TTLL9: variants seen among roughly 807,000 people sequenced by gnomAD.
TTLL9 encodes probable tubulin polyglutamylase TTLL9.
In TTLL9, 47 loss-of-function variants were observed where a neutral mutation model predicts 65.6. That is an observed-to-expected ratio of 0.72 (90% CI 0.57 to 0.91). The LOEUF (loss-of-function observed/expected upper bound fraction) is 0.91. TTLL9 is among the 40% of genes least tolerant of loss of function. The pLI is 0.00. For missense variants in TTLL9, 537 were observed against 568.8 expected, an observed-to-expected ratio of 0.94 and a Z score of 0.57; for synonymous variants, 179 against 204.8, an observed-to-expected ratio of 0.87 and a Z score of 1.07.
Position 31,909,910 on chromosome 20 carries a change from G to C in TTLL9, c.492G>C (p.Trp164Cys), listed in dbSNP as rs1444180531. 7 of 1,441,624 alleles carry C rather than the reference G, an allele frequency of 4.9e-6. No individual in the cohort carries two copies. In the African/African-American group the frequency reaches 1.0e-4, roughly 21 times the overall value. 89.3% of individuals were successfully genotyped at this position (1,441,624 alleles called of 1,614,324 possible). A position where few individuals can be genotyped will look rare whatever the true frequency, so the allele number is the denominator to read the frequency against. The change falls in exon 6 of 15, where the codon TGG becomes TGC. Residue 164 changes from tryptophan (W) to cysteine (C), a missense_variant. Around this residue, in one of 3 missense-constraint regions of TTLL9, gnomAD observed 320 missense variants for 311.0 expected, o/e 1.03. Transcript: ENST00000535842. ...EEFRKNPGITWIMKPVARSQG... is the reference protein window; with the variant it reads ...EEFRKNPGITCIMKPVARSQG... ...TTCGCAAAAACCCAGGAATCACCTGGATCATGAAGCCTGTGAGTGCCCAGT... is the reference window on the plus strand; with the variant it reads ...TTCGCAAAAACCCAGGAATCACCTGCATCATGAAGCCTGTGAGTGCCCAGT...
intron 6 of TTLL9, among the ~76,000 whole-genome samples, chr20:31,910,772 T>A (rs2063634759): frequency 6.6e-6 from 1 of 152,212 alleles, no homozygotes; most frequent in Admixed American, 6.5e-5. Flanking sequence ...ACCTGAAGGA[T>A]GCATACAAGT....
At chr20:31,926,457 G>GTACAATGATGATGATGATGTAAAAAATT (rs2063908688) in intron 10 of TTLL9, among the ~76,000 whole-genome samples, 1 of 152,126 alleles carries the variant, frequency 6.6e-6, no homozygotes, top group Admixed American at 6.5e-5. Flanking sequence ...TAAATTGATT[G>GTACAATGATGATGATGATGTAAAAAATT]GTATGACTCC....
chr20:31,875,589 T>G (rs1169969253), intron 2 of TTLL9, among the ~76,000 whole-genome samples: 1 of 152,204 alleles, frequency 6.6e-6, no homozygotes, highest in Non-Finnish European at 1.5e-5. Flanking sequence ...CCAAGCTAAC[T>G]CTCATTTCCT....
At chr20:31,887,790 A>G (rs967573167) in intron 3 of TTLL9, among the ~76,000 whole-genome samples, 1 of 152,056 alleles carries the variant, frequency 6.6e-6, no homozygotes, top group African/African-American at 2.4e-5. Context: ...GGGGAGTTAG[A>G]GGAGGTAGTT....
At chr20:31,889,799 G>T (rs2123426516) in intron 3 of TTLL9, among the ~76,000 whole-genome samples, 1 of 151,156 alleles carries the variant, frequency 6.6e-6, no homozygotes, top group African/African-American at 2.4e-5. Flanking sequence ...CCAACACCTG[G>T]CCTCAAGTGA....
chr20:31,881,583 C>A (rs1162003758), intron 2 of TTLL9, among the ~76,000 whole-genome samples: 1 of 150,758 alleles, frequency 6.6e-6, no homozygotes, highest in Non-Finnish European at 1.5e-5. Flanking sequence ...TTTAAATACA[C>A]AGATTGGGAC....
At chr20:31,889,972 CTCTTTCTTTCTT>C (rs758616240) in intron 3 of TTLL9, among the ~76,000 whole-genome samples, 10,783 of 113,718 alleles carry the variant, frequency 0.095, 450 homozygotes, top group Admixed American at 0.11. Context: ...CCACATCTCT[CTCTTTCTTTCTT>C]TCTTTCTTTC....
rs778842072 is a variant in TTLL9 at position 31,919,363 on chromosome 20, G to A, written c.505-501G>A. ...GTGTGCAAGGCCAGGCAGGAGGACT[G>A]TTGTCCTTCTACAATGGTAGAAGGG... On this transcript the variant is annotated intron_variant, in intron 6 of 14. Transcript: ENST00000535842. Among the ~76,000 whole-genome samples the A allele has an allele frequency of 5.0e-4, 76 of 152,142 alleles. 1 individual carries two copies. The highest frequency in any genetic ancestry group is 9.8e-4 in the Non-Finnish European group (67 of 68,032).
intron 2 of TTLL9, among the ~76,000 whole-genome samples, chr20:31,882,618 A>G (rs2063134016): frequency 6.6e-6 from 1 of 152,098 alleles, no homozygotes; most frequent in South Asian, 2.1e-4. Context: ...TCTCAATAAG[A>G]TAATTTTTTA....
chr20:31,913,132 C>T (rs2063681441), intron 6 of TTLL9, among the ~76,000 whole-genome samples: 1 of 82,212 alleles, frequency 1.2e-5, no homozygotes, highest in South Asian at 2.9e-4. Flanking sequence ...TGTACTCCAG[C>T]CTGGTGACAG....
At chr20:31,879,141 T>C (rs2063074473) in intron 2 of TTLL9, among the ~76,000 whole-genome samples, 1 of 152,162 alleles carries the variant, frequency 6.6e-6, no homozygotes, top group East Asian at 1.9e-4. Flanking sequence ...GCCAACATGG[T>C]GAAACCCTGT....
At chr20:31,911,069 G>A (rs1320493426) in intron 6 of TTLL9, among the ~76,000 whole-genome samples, 1 of 152,142 alleles carries the variant, frequency 6.6e-6, no homozygotes, top group African/African-American at 2.4e-5. Flanking sequence ...CAGCTCCTTG[G>A]GAGGCGGAGG....
chr20:31,872,328 C>A (rs900355058), intron 2 of TTLL9, among the ~76,000 whole-genome samples: 3 of 152,012 alleles, frequency 2.0e-5, no homozygotes, highest in Non-Finnish European at 4.4e-5. Context: ...GTGGGAGGAT[C>A]AATTGAGCCC....
rs1350517341 is a variant in TTLL9, at chr20:31,944,724, A to G, written c.*1703A>G. On this transcript the variant is annotated 3_prime_UTR_variant, in exon 15 of 15. Transcript: ENST00000535842. ...CAACCCATATGTCTAGCTTCTCTTGAAAACACGTAAGAACTGGCCATGACA... is the reference window on the plus strand; with the variant it reads ...CAACCCATATGTCTAGCTTCTCTTGGAAACACGTAAGAACTGGCCATGACA... 1.3e-5 allele frequency: 2 copies of G among 152,226 alleles called. No individual in the cohort carries two copies. The highest frequency in any genetic ancestry group is 2.9e-5 in the Non-Finnish European group (2 of 68,042). 9.4% of individuals were successfully genotyped at this position (152,226 alleles called of 1,614,324 possible). A position where few individuals can be genotyped will look rare whatever the true frequency, so the allele number is the denominator to read the frequency against.
intron 2 of TTLL9, among the ~76,000 whole-genome samples, chr20:31,877,847 T>C (rs1046711194): frequency 2.6e-5 from 4 of 152,246 alleles, no homozygotes; most frequent in African/African-American, 4.8e-5. Context: ...CCTGATTGGA[T>C]TGGGGAAAAT....
chr20:31,905,152 C>T (rs1371453273), intron 4 of TTLL9, among the ~76,000 whole-genome samples: 2 of 152,120 alleles, frequency 1.3e-5, no homozygotes, highest in East Asian at 3.9e-4. Context: ...CTCACTACAA[C>T]CTCTGCCTTC....
intron 2 of TTLL9, among the ~76,000 whole-genome samples, chr20:31,881,827 A>G (rs977972974): frequency 4.6e-5 from 7 of 152,222 alleles, no homozygotes; most frequent in African/African-American, 1.7e-4. Context: ...GAAAGGAAGG[A>G]CGAACTGCAG....
intron 6 of TTLL9, among the ~76,000 whole-genome samples, chr20:31,911,831 CGTGTGTGTGTGTGTGTGTGTGTGTGTGT>C (rs55996863): frequency 9.1e-4 from 130 of 142,326 alleles, no homozygotes; most frequent in Admixed American, 2.4e-3. Context: ...TGTGTCTGTG[CGTGTGTGTGTGTGTGTGTGTGTGTGTGT>C]GTGTGTGTGT....
At chr20:31,902,466 T>C (rs902570227) in intron 4 of TTLL9, among the ~76,000 whole-genome samples, 3 of 152,166 alleles carry the variant, frequency 2.0e-5, no homozygotes, top group African/African-American at 7.2e-5. Flanking sequence ...CTGCAAGCTC[T>C]GCCTCCCGGT....
Sources: allele counts gnomAD v4.1 joint callset (sites outside exome capture counted in the v4.1 genomes callset), GRCh38; gene constraint gnomAD v4.1.1; regional missense constraint gnomAD v4.1.1; transcripts MANE v1.5; gene names NCBI Gene and HGNC (gene_info 2026-07-23, HGNC 2026-07-21).